The following MTHFD1L variants were observed in gnomAD, a reference collection of about 807,000 sequenced individuals.
MTHFD1L encodes monofunctional C1-tetrahydrofolate synthase, mitochondrial.
In MTHFD1L, 81 loss-of-function variants were observed where a neutral mutation model predicts 119.5. The observed-to-expected ratio is 0.68, with a 90% CI of 0.57 to 0.82. The LOEUF (loss-of-function observed/expected upper bound fraction) is 0.82, where lower values mean the gene tolerates loss of function less well. MTHFD1L is among the 40% of genes least tolerant of loss of function. The probability of loss-of-function intolerance (pLI) is 0.00; values close to 1 mark genes in which losing one functional copy is unlikely to be tolerated. For missense variants in MTHFD1L, 1,125 were observed against 1,253.4 expected, an observed-to-expected ratio of 0.90 and a Z score of 1.55; for synonymous variants, 430 against 475.2, an observed-to-expected ratio of 0.90 and a Z score of 1.24.
At chr6:151,091,051 G>A (rs571341289) in intron 26 of MTHFD1L, among the ~76,000 whole-genome samples, 68 of 145,472 alleles carry the variant, frequency 4.7e-4, no homozygotes, top group African/African-American at 1.6e-3. Flanking sequence ...ATCGCCCCAT[G>A]CGACTGGGTG....
intron 5 of MTHFD1L, among the ~76,000 whole-genome samples, chr6:150,884,766 G>A (rs1164983608): frequency 6.6e-6 from 1 of 152,178 alleles, no homozygotes; most frequent in East Asian, 1.9e-4. Context: ...TCCTAGATTT[G>A]AACAGGGAAA....
intron 26 of MTHFD1L, among the ~76,000 whole-genome samples, chr6:151,063,414 C>A (rs1424794541): frequency 3.3e-5 from 5 of 152,172 alleles, no homozygotes; most frequent in Non-Finnish European, 5.9e-5. Flanking sequence ...TTTATTGCCT[C>A]GTTTGTCATC....
intron 26 of MTHFD1L, among the ~76,000 whole-genome samples, chr6:151,067,384 T>G (rs567542445): frequency 9.9e-5 from 15 of 152,256 alleles, no homozygotes; most frequent in African/African-American, 3.6e-4. Flanking sequence ...TGTACAGTGG[T>G]GCAATCTCAG....
At chr6:150,871,880 T>TATTTTATTTTAATTTAATTTA (rs1779594130) in intron 1 of MTHFD1L, among the ~76,000 whole-genome samples, 1 of 150,570 alleles carries the variant, frequency 6.6e-6, no homozygotes, top group African/African-American at 2.5e-5. Flanking sequence ...AATTTAATTT[T>TATTTTATTTTAATTTAATTTA]ATTTTATTTT....
intron 1 of MTHFD1L, among the ~76,000 whole-genome samples, chr6:150,871,288 G>T (rs1779443548): frequency 6.7e-6 from 1 of 149,496 alleles, no homozygotes; most frequent in Admixed American, 6.7e-5. Flanking sequence ...CTAAAGATTA[G>T]GGTGGCTGTG....
chr6:151,005,767 T>C (rs1394260938), intron 20 of MTHFD1L, among the ~76,000 whole-genome samples: 2 of 152,096 alleles, frequency 1.3e-5, no homozygotes, highest in Non-Finnish European at 1.5e-5. Flanking sequence ...AGAGTGAAAC[T>C]CCGTTTCAAA....
chr6:150,970,092 C>A (rs1797814828), intron 19 of MTHFD1L, among the ~76,000 whole-genome samples: 1 of 152,144 alleles, frequency 6.6e-6, no homozygotes, highest in African/African-American at 2.4e-5. Flanking sequence ...TCTGAACACA[C>A]CTGGTTGTTA....
Position 150,926,398 on chromosome 6 carries a change from T to G in MTHFD1L, c.1256+103T>G. ...CCCCTCAATCCATCCTATTCTCACATTTGACATTTCGTCCATTTCATTTGG... is the reference window on the plus strand; with the variant it reads ...CCCCTCAATCCATCCTATTCTCACAGTTGACATTTCGTCCATTTCATTTGG... On this transcript the variant is annotated intron_variant, in intron 11 of 27. Transcript: ENST00000367321. The surrounding 1 kb of genome is among the most constrained non-coding windows in gnomAD (Gnocchi z 4.3). The G allele has an allele frequency of 9.2e-7, 1 of 1,084,668 alleles. No individual in the cohort carries two copies. Among genetic ancestry groups the G allele is most frequent in the Non-Finnish European group, 1.3e-6 (1 of 769,176 alleles). 67.2% of individuals were successfully genotyped at this position (1,084,668 alleles called of 1,614,324 possible).
At chr6:150,989,998 G>T (rs983905743) in intron 20 of MTHFD1L, among the ~76,000 whole-genome samples, 1 of 152,194 alleles carries the variant, frequency 6.6e-6, no homozygotes, top group Non-Finnish European at 1.5e-5. Flanking sequence ...CTTTTTCAAG[G>T]CCGGGCGCAG....
intron 26 of MTHFD1L, among the ~76,000 whole-genome samples, chr6:151,037,644 A>T (rs1164561175): frequency 1.3e-5 from 2 of 152,188 alleles, no homozygotes; most frequent in African/African-American, 4.8e-5. Flanking sequence ...TGATGGGATC[A>T]TGTTGCTATT....
Position 150,905,678 on chromosome 6 carries a change from G to A in MTHFD1L, c.809G>A (p.Gly270Asp). The change falls in exon 8 of 28, where the codon GGC becomes GAC. Residue 270 changes from glycine to aspartate, a missense_variant. By Grantham distance (94) the Gly-to-Asp change is moderately conservative. Coordinates refer to ENST00000367321, the MANE Select transcript of MTHFD1L (RefSeq NM_015440.5). ...KLHEADIVVL[G>D]SPKPEEIPLT... The stretch of plus-strand genomic sequence containing the variant: ...CACGAGGCTGACATTGTGGTCCTAG[G>A]CTCACCTAAGCCAGAAGAGATTCCC... 6.2e-7 allele frequency: 1 copy of A among 1,614,034 alleles called. No individual in the cohort carries two copies. The highest frequency in any genetic ancestry group is 8.5e-7 in the Non-Finnish European group (1 of 1,179,972).
intron 26 of MTHFD1L, chr6:151,042,208 G>A (rs1251584417): frequency 6.4e-6 from 1 of 155,632 alleles, no homozygotes; most frequent in African/African-American, 2.4e-5. Context: ...TTCCTTGATG[G>A]TAGCCAATTT....
chr6:151,001,312 A>G (rs9478908), intron 20 of MTHFD1L, among the ~76,000 whole-genome samples: 34,983 of 152,106 alleles, frequency 0.23, 4,109 homozygotes, highest in Middle Eastern at 0.31. Context: ...GCAAGGCAGA[A>G]GTTTAATTTG....
At chr6:150,960,473 A>G (rs981760051) in intron 18 of MTHFD1L, 58 bp downstream of exon 18, 1 of 1,527,676 alleles carries the variant, frequency 6.5e-7, no homozygotes, top group Non-Finnish European at 8.8e-7. Context: ...CTTCGTTACC[A>G]GAAAAAGAAA....
intron 21 of MTHFD1L, 90 bp downstream of exon 21, chr6:151,010,048 G>A: frequency 1.4e-6 from 2 of 1,422,352 alleles, no homozygotes; most frequent in South Asian, 1.6e-5. Flanking sequence ...CCCATTTAAT[G>A]ACTATAGTTT....
intron 26 of MTHFD1L, among the ~76,000 whole-genome samples, chr6:151,049,346 G>A (rs1431070455): frequency 2.0e-5 from 3 of 152,324 alleles, no homozygotes; most frequent in South Asian, 2.1e-4. Flanking sequence ...AAAAAAATTA[G>A]CCAGGTGTGG....
At chr6:150,901,629 C>T (rs1420532947) in intron 7 of MTHFD1L, among the ~76,000 whole-genome samples, 1 of 152,196 alleles carries the variant, frequency 6.6e-6, no homozygotes, top group Admixed American at 6.5e-5. Context: ...CAAGGGACCA[C>T]CTCAGTGTGG....
intron 9 of MTHFD1L, among the ~76,000 whole-genome samples, chr6:150,919,514 C>T (rs1026362696): frequency 7.9e-5 from 12 of 152,242 alleles, no homozygotes; most frequent in Admixed American, 2.0e-4. Flanking sequence ...CATGAGCCAC[C>T]GCGCCTGACC....
chr6:151,089,043 G>A (rs73622478), intron 26 of MTHFD1L, among the ~76,000 whole-genome samples: 5,355 of 152,176 alleles, frequency 0.035, 305 homozygotes, highest in African/African-American at 0.12. Context: ...GTTTGTCACC[G>A]TGAGTAGAGA....
Sources: allele counts gnomAD v4.1 joint callset (sites outside exome capture counted in the v4.1 genomes callset), GRCh38; gene constraint gnomAD v4.1.1; non-coding constraint Gnocchi (gnomAD v3.1); transcripts MANE v1.5; gene names NCBI Gene and HGNC (gene_info 2026-07-23, HGNC 2026-07-21).